Variants in PXDNL observed in about 807,000 individuals in gnomAD.
PXDNL encodes the protein peroxidasin like.
PXDNL carries 145 observed loss-of-function variants against 150.8 expected under a neutral mutation model. That is an observed-to-expected ratio of 0.96 (90% confidence interval 0.84 to 1.10). The LOEUF (loss-of-function observed/expected upper bound fraction) is 1.10. PXDNL is among the 50% of genes least tolerant of loss of function. The pLI is 0.00. For missense variants in PXDNL, 2,087 were observed against 1,873.9 expected (o/e 1.11, Z -2.10); for synonymous variants, 757 against 725.7 (o/e 1.04, Z -0.69).
At chr8:51,560,470 T>C (rs1812696148) in intron 3 of PXDNL, among the ~76,000 whole-genome samples, 1 of 151,934 alleles carries the variant, frequency 6.6e-6, no homozygotes, top group African/African-American at 2.4e-5. Flanking sequence ...GAAACAGATA[T>C]ACAGACCAGT....
chr8:51,615,392 T>C (rs1189232757), intron 2 of PXDNL, among the ~76,000 whole-genome samples: 1 of 152,166 alleles, frequency 6.6e-6, no homozygotes, highest in Non-Finnish European at 1.5e-5. Context: ...CCAGCTGTAT[T>C]ATGGGCACAA....
At chr8:51,509,060 T>C (rs545556824) in intron 4 of PXDNL, among the ~76,000 whole-genome samples, 1 of 152,112 alleles carries the variant, frequency 6.6e-6, no homozygotes, top group South Asian at 2.1e-4. Flanking sequence ...AACCAACTGG[T>C]CCCCCACCCT....
intron 10 of PXDNL, among the ~76,000 whole-genome samples, chr8:51,450,217 G>C (rs1809772086): frequency 1.3e-5 from 2 of 152,208 alleles, no homozygotes. Context: ...TGAGCAGTGA[G>C]AACAACCAGG....
At position 51,475,077 on chromosome 8, in the gene PXDNL, C is replaced by G; in HGVS notation, c.589G>C (p.Gly197Arg). The change falls in exon 7 of 23, where the codon GGC becomes CGC. Residue 197 changes from glycine (G) to arginine (R), a missense_variant. Coordinates refer to ENST00000356297, the MANE Select transcript of PXDNL (RefSeq NM_144651.5). Reference sequence around the variant, plus strand: ...TGGGTGTGGCCGTGTTGGGCAAAGCCTTGTAAAAGCTCCCCCAGCCACATC... The same window carrying G: ...TGGGTGTGGCCGTGTTGGGCAAAGCGTTGTAAAAGCTCCCCCAGCCACATC... ...DLMWLGELLQ[G>R]FAQHGHTQAA... 6.2e-7 allele frequency: 1 copy of G among 1,613,920 alleles called. No homozygotes were observed. Among genetic ancestry groups the G allele is most frequent in the Non-Finnish European group, 8.5e-7 (1 of 1,179,874 alleles).
At chr8:51,351,431 A>G (rs1174760783) in intron 19 of PXDNL, among the ~76,000 whole-genome samples, 1 of 152,198 alleles carries the variant, frequency 6.6e-6, no homozygotes, top group African/African-American at 2.4e-5. Flanking sequence ...AGCAGAAGCC[A>G]AGAAACAATG....
chr8:51,562,244 T>C (rs1812733831), intron 3 of PXDNL, among the ~76,000 whole-genome samples: 1 of 151,856 alleles, frequency 6.6e-6, no homozygotes, highest in African/African-American at 2.4e-5. Flanking sequence ...TTGTGCTATC[T>C]TTTTTTATAA....
chr8:51,654,225 T>G (rs759976213), intron 2 of PXDNL, among the ~76,000 whole-genome samples: 3 of 152,240 alleles, frequency 2.0e-5, no homozygotes, highest in African/African-American at 7.2e-5. Flanking sequence ...CTACATGATA[T>G]GTTTTCATTT....
chr8:51,507,825 C>T (rs1346987968), intron 4 of PXDNL, among the ~76,000 whole-genome samples: 2 of 152,152 alleles, frequency 1.3e-5, no homozygotes, highest in East Asian at 3.9e-4. Flanking sequence ...ACGTCCTATC[C>T]TACATGACCT....
At chr8:51,403,104 G>A (rs891701385) in intron 17 of PXDNL, among the ~76,000 whole-genome samples, 68 of 138,088 alleles carry the variant, frequency 4.9e-4, no homozygotes, top group Middle Eastern at 3.9e-3. Flanking sequence ...AAAAAAAAAA[G>A]AAAAAGAAAA....
At chr8:51,459,177 C>T (rs1349148417) in intron 8 of PXDNL, among the ~76,000 whole-genome samples, 1 of 152,206 alleles carries the variant, frequency 6.6e-6, no homozygotes, top group African/African-American at 2.4e-5. Flanking sequence ...TGCCTGTAAT[C>T]CCAGCACTTT....
chr8:51,633,273 A>C (rs1305903509), intron 2 of PXDNL, among the ~76,000 whole-genome samples: 1 of 152,150 alleles, frequency 6.6e-6, no homozygotes, highest in East Asian at 1.9e-4. Context: ...GTGTATGTGT[A>C]CCACATTTTC....
chr8:51,683,327 C>T (rs931650723), intron 1 of PXDNL, among the ~76,000 whole-genome samples: 4 of 150,542 alleles, frequency 2.7e-5, no homozygotes, highest in African/African-American at 9.7e-5. Flanking sequence ...TGATTAGTGA[C>T]ATTAAGCGAT....
intron 1 of PXDNL, among the ~76,000 whole-genome samples, chr8:51,738,992 C>T (rs957119545): frequency 3.9e-5 from 6 of 151,934 alleles, no homozygotes; most frequent in Middle Eastern, 3.2e-3. Context: ...GAGTTATTGG[C>T]AAAACATTAT....
At chr8:51,580,407 G>GTAGACATTTTTT (rs1301296277) in intron 3 of PXDNL, among the ~76,000 whole-genome samples, 1 of 152,102 alleles carries the variant, frequency 6.6e-6, no homozygotes, top group Non-Finnish European at 1.5e-5. Flanking sequence ...AATGTCTGTT[G>GTAGACATTTTTT]AATGAATGTA....
At chr8:51,477,065 A>C (rs1810495625) in intron 6 of PXDNL, among the ~76,000 whole-genome samples, 2 of 152,228 alleles carry the variant, frequency 1.3e-5, no homozygotes, top group Admixed American at 1.3e-4. Context: ...CCTGAAAGTA[A>C]AGAAATTGTG....
At chr8:51,447,985 A>C (rs1809717067) in intron 11 of PXDNL, among the ~76,000 whole-genome samples, 1 of 152,242 alleles carries the variant, frequency 6.6e-6, no homozygotes, top group African/African-American at 2.4e-5. Context: ...TCACATGATA[A>C]GCAAATGGAG....
At chr8:51,557,850 T>C (rs777337851) in intron 3 of PXDNL, among the ~76,000 whole-genome samples, 21 of 152,162 alleles carry the variant, frequency 1.4e-4, no homozygotes, top group Non-Finnish European at 1.8e-4. Flanking sequence ...TTTCTATAAT[T>C]TGCTTAGTTA....
At chr8:51,712,264 G>A (rs1816518161) in intron 1 of PXDNL, among the ~76,000 whole-genome samples, 1 of 152,058 alleles carries the variant, frequency 6.6e-6, no homozygotes, top group Middle Eastern at 3.4e-3. Context: ...CAACCTTTAA[G>A]ACCAAAAGGG....
chr8:51,410,981 C>T (rs1808622721), intron 16 of PXDNL, among the ~76,000 whole-genome samples: 1 of 152,234 alleles, frequency 6.6e-6, no homozygotes. Context: ...ACATTTGAAA[C>T]ACAAGTTCAC....
Sources: gnomAD v4.1 joint callset for allele counts (sites outside exome capture counted in the v4.1 genomes callset) on GRCh38, gnomAD v4.1.1 for gene constraint, MANE v1.5 for transcripts, NCBI Gene and HGNC (gene_info 2026-07-23, HGNC 2026-07-21) for gene names.